B4GALT1: variants seen among roughly 807,000 people sequenced by gnomAD.
B4GALT1 encodes N-acetyllactosamine synthase.
A neutral mutation model predicts 34.9 loss-of-function variants in B4GALT1; 16 were observed. That is an observed-to-expected ratio of 0.46 (90% confidence interval 0.31 to 0.70). B4GALT1 has a LOEUF of 0.70. Ranked by LOEUF, B4GALT1 falls within the 30% of genes least tolerant of loss-of-function variation. The pLI, the probability that B4GALT1 is intolerant of heterozygous loss-of-function variation, is 0.05. For missense variants in B4GALT1, 445 were observed against 530.5 expected, an observed-to-expected ratio of 0.84 and a Z score of 1.58; for synonymous variants, 221 against 218.1, an observed-to-expected ratio of 1.01 and a Z score of -0.12.
Position 33,104,679 on chromosome 9 carries a change from A to G in B4GALT1, c.*73T>C, listed in dbSNP as rs566484560. 1.2e-3 allele frequency: 535 copies of G among 447,152 alleles called. 8 individuals carry two copies. Among genetic ancestry groups the G allele is most frequent in the South Asian group, 8.2e-3 (513 of 62,710 alleles). 27.7% of individuals were successfully genotyped at this position (447,152 alleles called of 1,614,324 possible). A position where few individuals can be genotyped will look rare whatever the true frequency, so the allele number is the denominator to read the frequency against. On this transcript the variant is annotated 3_prime_UTR_variant, in exon 3 of 3. Transcript: ENST00000535206. ...ACACAGCCAGCACGTCTCACGCTCA[A>G]ATCTCCAGGAAGATGCTGGGACTAA...
At chr9:33,184,794 C>T in the B4GALT1 span, among the ~76,000 whole-genome samples, 3 of 152,214 alleles carry the variant, frequency 2.0e-5, no homozygotes, top group African/African-American at 4.8e-5. Flanking sequence ...ATGGGCCACA[C>T]TGTTTAAGAC....
chr9:33,151,827 A>C (rs574737368), intron 1 of B4GALT1, among the ~76,000 whole-genome samples: 122 of 152,250 alleles, frequency 8.0e-4, no homozygotes, highest in Non-Finnish European at 1.4e-3. Flanking sequence ...GTATTACATA[A>C]AGCTTCTTGC....
At chr9:33,136,636 AC>A (rs1489038289) in intron 1 of B4GALT1, among the ~76,000 whole-genome samples, 6 of 152,138 alleles carry the variant, frequency 3.9e-5, no homozygotes, top group Admixed American at 2.0e-4. Context: ...GTTATATTTA[AC>A]CCACCATTTC....
intron 2 of B4GALT1, 57 bp downstream of exon 2, chr9:33,135,132 C>G: frequency 6.6e-7 from 1 of 1,516,350 alleles, no homozygotes; most frequent in Non-Finnish European, 9.1e-7. Context: ...ACACACACAT[C>G]TGATACACAT....
intron 1 of B4GALT1, among the ~76,000 whole-genome samples, chr9:33,145,580 T>A (rs1840413421): frequency 1.3e-5 from 2 of 152,202 alleles, no homozygotes; most frequent in Middle Eastern, 3.4e-3. Flanking sequence ...CAAGGGCCAA[T>A]AGAGCTGTGG....
At chr9:33,126,269 G>A (rs537092602) in intron 2 of B4GALT1, among the ~76,000 whole-genome samples, 45 of 152,254 alleles carry the variant, frequency 3.0e-4, no homozygotes, top group African/African-American at 9.9e-4. Context: ...AAGCTCTGAC[G>A]GGGCATTCCT....
intron 1 of B4GALT1, among the ~76,000 whole-genome samples, chr9:33,156,326 G>T (rs1217147271): frequency 6.6e-6 from 1 of 152,116 alleles, no homozygotes; most frequent in East Asian, 1.9e-4. Flanking sequence ...TAGAGACAAG[G>T]TTTCACCATG....
intron 1 of B4GALT1, among the ~76,000 whole-genome samples, chr9:33,138,026 C>G (rs571337904): frequency 2.6e-5 from 4 of 152,380 alleles, no homozygotes; most frequent in African/African-American, 9.6e-5. Flanking sequence ...TAAACATAAC[C>G]GCGTTTTGGG....
In B4GALT1 at chr9:33,120,206, A is replaced by G. The variant is rs1969976; in HGVS notation, c.836+213T>C. 0.37 allele frequency among the ~76,000 whole-genome samples: 56,413 copies of G among 151,022 alleles called. 11,231 individuals are homozygous for G. Among genetic ancestry groups the G allele is most frequent in the East Asian group, 0.59 (3,033 of 5,124 alleles). ...CTCAAAAAACAAACAAAAAAAAAAA[A>G]GGGGGGAAAATTTGTTTTTGTCTGG... On this transcript the variant is annotated intron_variant, in intron 3 of 5. Transcript: ENST00000379731.
At chr9:33,138,593 C>T (rs1433534928) in intron 1 of B4GALT1, among the ~76,000 whole-genome samples, 1 of 152,184 alleles carries the variant, frequency 6.6e-6, no homozygotes, top group Non-Finnish European at 1.5e-5. Flanking sequence ...ACCTCAAATT[C>T]CTAGGCTTTC....
chr9:33,170,250 G>A (rs1188313480), upstream of B4GALT1, among the ~76,000 whole-genome samples: 1 of 152,116 alleles, frequency 6.6e-6, no homozygotes, highest in African/African-American at 2.4e-5. Context: ...GATTACAGTT[G>A]TGAGCCACCG....
Position 33,167,099 on chromosome 9 carries a change from C to T in B4GALT1, c.71G>A (p.Arg24His). Residue 24 changes from arginine (R) to histidine (H), a missense_variant, in exon 1 of 6, where the codon CGC becomes CAC. Around this residue, in one of 3 missense-constraint regions of B4GALT1, gnomAD observed 349 missense variants for 395.5 expected, o/e 0.88. Coordinates refer to ENST00000379731, the MANE Select transcript of B4GALT1 (RefSeq NM_001497.4). ...MPGASLQRAC[R>H]LLVAVCALHL... ...CAGAGCGCAGACGGCCACGAGCAGG[C>T]GGCAGGCCCGCTGTAGGGACGCGCC... 6.2e-7 allele frequency: 1 copy of T among 1,604,638 alleles called. No homozygotes were observed.
At chr9:33,159,557 T>C (rs985188208) in intron 1 of B4GALT1, among the ~76,000 whole-genome samples, 4 of 152,224 alleles carry the variant, frequency 2.6e-5, no homozygotes, top group Non-Finnish European at 4.4e-5. Flanking sequence ...CCTGGCACAC[T>C]GGCCTGAGGC....
chr9:33,108,830 G>A (rs182499292), downstream of B4GALT1: 44 of 152,222 alleles, frequency 2.9e-4, no homozygotes, highest in Admixed American at 5.9e-4. Flanking sequence ...TGGCCTCTGC[G>A]CTGGGTTCCT....
chr9:33,107,272 G>C (rs1384320768), downstream of B4GALT1, among the ~76,000 whole-genome samples: 2 of 152,186 alleles, frequency 1.3e-5, no homozygotes, highest in Non-Finnish European at 2.9e-5. Context: ...TTTCTGGCAT[G>C]GTAAGAAGTT....
At chr9:33,116,293 G>A (rs1839937372) in intron 3 of B4GALT1, among the ~76,000 whole-genome samples, 180 bp from the exon 4 acceptor site, 2 of 152,036 alleles carry the variant, frequency 1.3e-5, no homozygotes, top group South Asian at 2.1e-4. Flanking sequence ...GTGCAGGGGC[G>A]CGATCTAGGC....
intron 2 of B4GALT1, among the ~76,000 whole-genome samples, chr9:33,126,649 T>G (rs377417123): frequency 0.027 from 2,499 of 93,406 alleles, 4 homozygotes; most frequent in Non-Finnish European, 0.043. Flanking sequence ...TGTTAACTAT[T>G]GTTAACCATA....
chr9:33,117,039 C>T (rs1334193437), intron 3 of B4GALT1, among the ~76,000 whole-genome samples: 1 of 152,188 alleles, frequency 6.6e-6, no homozygotes, highest in Non-Finnish European at 1.5e-5. Context: ...TCCTGAGTGG[C>T]TCAGGAATCT....
At chr9:33,133,028 G>A (rs1840216782) in intron 2 of B4GALT1, among the ~76,000 whole-genome samples, 1 of 151,914 alleles carries the variant, frequency 6.6e-6, no homozygotes, top group African/African-American at 2.4e-5. Context: ...TCAGCCTCCC[G>A]AGTAGCTGGG....
Sources: allele counts gnomAD v4.1 joint callset (sites outside exome capture counted in the v4.1 genomes callset), GRCh38; gene constraint gnomAD v4.1.1; regional missense constraint gnomAD v4.1.1; transcripts MANE v1.5; gene names NCBI Gene and HGNC (gene_info 2026-07-23, HGNC 2026-07-21).